The following NRG1 variants were observed in gnomAD, a reference collection of about 807,000 sequenced individuals.
The protein encoded by NRG1 is neuregulin 1.
Under a neutral mutation model 63.8 loss-of-function variants are expected in NRG1, and 18 were observed. The ratio of observed to expected loss-of-function variants is 0.28; its 90% CI spans 0.19 to 0.42. The LOEUF (loss-of-function observed/expected upper bound fraction) is 0.42. Among genes scored for constraint, NRG1 ranks in the 10% least tolerant of loss-of-function variants. The pLI, the probability that NRG1 is intolerant of heterozygous loss-of-function variation, is 1.00. For synonymous variants in NRG1, 302 were observed against 301.3 expected (o/e 1.00, Z -0.02); for missense variants, 762 against 814.7 (o/e 0.94, Z 0.79).
intron 1 of NRG1, among the ~76,000 whole-genome samples, chr8:31,745,533 G>A (rs1815761801): frequency 6.6e-6 from 1 of 151,908 alleles, no homozygotes; most frequent in Non-Finnish European, 1.5e-5. Flanking sequence ...GGAGGTAATA[G>A]GAGAACAAAC....
chr8:32,564,560 T>C (rs56332814), intron 1 of NRG1, among the ~76,000 whole-genome samples: 30,410 of 152,270 alleles, frequency 0.2, 3,872 homozygotes, highest in Admixed American at 0.33. Flanking sequence ...TCTTTATTCC[T>C]ATTACCTTGA....
chr8:31,917,352 G>A (rs1377922734), intron 1 of NRG1, among the ~76,000 whole-genome samples: 3 of 150,864 alleles, frequency 2.0e-5, no homozygotes, highest in African/African-American at 4.9e-5. Context: ...TAACGTTTAG[G>A]TCTTTAATCC....
At chr8:32,135,229 T>C (rs2131667395) in intron 1 of NRG1, among the ~76,000 whole-genome samples, 1 of 152,308 alleles carries the variant, frequency 6.6e-6, no homozygotes, top group African/African-American at 2.4e-5. Flanking sequence ...TAATTCTAAA[T>C]ATAGCAGAAT....
intron 1 of NRG1, among the ~76,000 whole-genome samples, chr8:31,712,790 A>C (rs1012604596): frequency 6.6e-6 from 1 of 152,052 alleles, no homozygotes; most frequent in African/African-American, 2.4e-5. Context: ...TGCCTTAGGT[A>C]TATTAGCAGA....
At chr8:31,702,318 C>T (rs1006012255) in intron 1 of NRG1, among the ~76,000 whole-genome samples, 2 of 152,156 alleles carry the variant, frequency 1.3e-5, no homozygotes, top group Non-Finnish European at 2.9e-5. Flanking sequence ...CATGGAATCA[C>T]GCACCTCATG....
chr8:32,565,951 T>TA (rs1207107616), intron 1 of NRG1, among the ~76,000 whole-genome samples: 1 of 152,134 alleles, frequency 6.6e-6, no homozygotes, highest in Non-Finnish European at 1.5e-5. Context: ...CTTGGAAACT[T>TA]ACCGAGTTCG....
intron 1 of NRG1, among the ~76,000 whole-genome samples, chr8:32,362,056 G>T (rs117055330): frequency 0.056 from 8,562 of 152,180 alleles, 315 homozygotes; most frequent in Middle Eastern, 0.099. Context: ...CTCCAGATTT[G>T]GTTAGCTTCT....
intron 1 of NRG1, among the ~76,000 whole-genome samples, chr8:31,720,137 G>T (rs73672719): frequency 6.6e-6 from 1 of 151,982 alleles, no homozygotes; most frequent in Non-Finnish European, 1.5e-5. Context: ...CTCTATGATA[G>T]CATGTATGAA....
At chr8:31,722,269 C>G (rs2131311518) in intron 1 of NRG1, among the ~76,000 whole-genome samples, 1 of 152,196 alleles carries the variant, frequency 6.6e-6, no homozygotes, top group Admixed American at 6.5e-5. Context: ...ACTTTACTCC[C>G]AGGTCTCTCT....
At chr8:31,868,719 C>A (rs1238902359) in intron 1 of NRG1, among the ~76,000 whole-genome samples, 1 of 152,208 alleles carries the variant, frequency 6.6e-6, no homozygotes, top group Non-Finnish European at 1.5e-5. Flanking sequence ...TCTGTTGCCT[C>A]ACTGAATCCT....
chr8:32,395,679 C>A (rs1445775770), intron 1 of NRG1, among the ~76,000 whole-genome samples: 2 of 151,602 alleles, frequency 1.3e-5, no homozygotes, highest in East Asian at 3.9e-4. Context: ...TTTTCCCAGT[C>A]TGTTTCTTAC....
chr8:32,317,050 T>G (rs1857484095), intron 1 of NRG1, among the ~76,000 whole-genome samples: 1 of 152,204 alleles, frequency 6.6e-6, no homozygotes, highest in South Asian at 2.1e-4. Flanking sequence ...TCCAAAGTAG[T>G]AAACTCTGTC....
chr8:32,344,146 G>A (rs894749756), intron 1 of NRG1, among the ~76,000 whole-genome samples: 2 of 152,182 alleles, frequency 1.3e-5, no homozygotes, highest in Non-Finnish European at 2.9e-5. Context: ...CTCCTCTTCG[G>A]AATATAGGAC....
chr8:32,579,761 T>C (rs184028930), intron 1 of NRG1, among the ~76,000 whole-genome samples: 1 of 152,342 alleles, frequency 6.6e-6, no homozygotes, highest in African/African-American at 2.4e-5. Context: ...CCACAAACTT[T>C]GAGGCTTAAA....
At chr8:32,028,311 A>G (rs1817772294) in intron 1 of NRG1, among the ~76,000 whole-genome samples, 1 of 152,098 alleles carries the variant, frequency 6.6e-6, no homozygotes, top group South Asian at 2.1e-4. Flanking sequence ...TTAAACTGGT[A>G]TTTCTGATAT....
intron 5 of NRG1, among the ~76,000 whole-genome samples, chr8:32,645,541 C>A (rs926929437): frequency 1.3e-5 from 2 of 152,196 alleles, no homozygotes; most frequent in Non-Finnish European, 1.5e-5. Flanking sequence ...TTCTTATCTC[C>A]TGCCGTTTAA....
At chr8:32,088,721 C>T (rs1273006063) in intron 1 of NRG1, among the ~76,000 whole-genome samples, 1 of 151,912 alleles carries the variant, frequency 6.6e-6, no homozygotes, top group African/African-American at 2.4e-5. Context: ...GGTTTCACCA[C>T]GTTGGCCAGG....
intron 1 of NRG1, among the ~76,000 whole-genome samples, chr8:32,102,212 A>T (rs181604492): frequency 6.6e-6 from 1 of 152,290 alleles, no homozygotes; most frequent in African/African-American, 2.4e-5. Context: ...ATTTCGACTC[A>T]TTGTAGCCTC....
At chr8:31,949,058 G>A (rs899170540) in intron 1 of NRG1, among the ~76,000 whole-genome samples, 28 of 152,108 alleles carry the variant, frequency 1.8e-4, no homozygotes, top group African/African-American at 5.6e-4. Flanking sequence ...AACTATATTG[G>A]TATATGGTAA....
Sources: gnomAD v4.1 joint callset for allele counts (sites outside exome capture counted in the v4.1 genomes callset) on GRCh38, gnomAD v4.1.1 for gene constraint, MANE v1.5 for transcripts, NCBI Gene and HGNC (gene_info 2026-07-23, HGNC 2026-07-21) for gene names.